Variants in MAP2 observed in about 807,000 individuals in gnomAD.
MAP2 encodes the protein microtubule associated protein 2, also known as microtubule-associated protein 2.
MAP2 carries 14 observed loss-of-function variants against 137.6 expected under a neutral mutation model. The observed-to-expected ratio is 0.10, with a 90% CI of 0.07 to 0.16. The LOEUF (loss-of-function observed/expected upper bound fraction) is 0.16. MAP2 is among the 10% of genes least tolerant of loss of function. The pLI, the probability that MAP2 is intolerant of heterozygous loss-of-function variation, is 1.00. For missense variants in MAP2, 2,088 were observed against 2,191.5 expected, an observed-to-expected ratio of 0.95 and a Z score of 0.94; for synonymous variants, 786 against 782.3, an observed-to-expected ratio of 1.00 and a Z score of -0.08.
At chr2:209,492,919 A>C (rs1407047125) in intron 1 of MAP2, among the ~76,000 whole-genome samples, 1 of 152,234 alleles carries the variant, frequency 6.6e-6, no homozygotes, top group Non-Finnish European at 1.5e-5. Context: ...GACTTTCTTC[A>C]CAGAATTAGG....
At chr2:209,617,802 G>A (rs2089987407) in intron 3 of MAP2, among the ~76,000 whole-genome samples, 1 of 152,114 alleles carries the variant, frequency 6.6e-6, no homozygotes, top group Non-Finnish European at 1.5e-5. Context: ...ATATAATACA[G>A]TCCACAAAGG....
At position 209,732,680 on chromosome 2, in the gene MAP2, A is replaced by G. The variant is rs2075924651; in HGVS notation, c.*2283A>G. The stretch of plus-strand genomic sequence containing the variant: ...AACCTGTGAAATAAGTATTTTTCTC[A>G]ACATTCTTTAAAGTTTTTATATAAG... On this transcript the variant is annotated 3_prime_UTR_variant, in exon 16 of 16. Transcript: ENST00000682079. 6.6e-6 allele frequency: 1 copy of G among 152,642 alleles called. No individual in the cohort carries two copies. The highest frequency in any genetic ancestry group is 1.5e-5 in the Non-Finnish European group (1 of 68,040). 9.5% of individuals were successfully genotyped at this position (152,642 alleles called of 1,614,324 possible). A position where few individuals can be genotyped will look rare whatever the true frequency, so the allele number is the denominator to read the frequency against.
chr2:209,462,275 C>T (rs571542747), intron 1 of MAP2, among the ~76,000 whole-genome samples: 20 of 152,144 alleles, frequency 1.3e-4, no homozygotes, highest in Non-Finnish European at 2.2e-4. Context: ...TAGACCTTAT[C>T]GGGCAAGATC....
At chr2:209,466,751 G>A (rs1294623512) in intron 1 of MAP2, among the ~76,000 whole-genome samples, 2 of 152,128 alleles carry the variant, frequency 1.3e-5, no homozygotes, top group Non-Finnish European at 2.9e-5. Context: ...ATAAATAGAA[G>A]AATTGAAAAG....
intron 3 of MAP2, among the ~76,000 whole-genome samples, chr2:209,614,424 C>T (rs1025191432): frequency 5.3e-5 from 8 of 151,984 alleles, no homozygotes; most frequent in African/African-American, 1.9e-4. Context: ...ATGCCAAGTC[C>T]CCCATCTTTC....
At chr2:209,713,799 G>A (rs946055412) in intron 13 of MAP2, among the ~76,000 whole-genome samples, 3 of 152,090 alleles carry the variant, frequency 2.0e-5, no homozygotes, top group Non-Finnish European at 4.4e-5. Context: ...CTAATAATCA[G>A]GTTTTAAAAT....
chr2:209,509,910 G>A (rs561861536), intron 2 of MAP2, among the ~76,000 whole-genome samples: 19 of 151,708 alleles, frequency 1.3e-4, no homozygotes, highest in African/African-American at 4.6e-4. Context: ...TAAATTGACA[G>A]CATTTTTTTT....
intron 5 of MAP2, among the ~76,000 whole-genome samples, chr2:209,664,566 G>A (rs2045355055): frequency 6.6e-6 from 1 of 151,630 alleles, no homozygotes; most frequent in Non-Finnish European, 1.5e-5. Flanking sequence ...AAAACAAAAA[G>A]AAGAGAGAGT....
At chr2:209,500,681 G>A (rs1384551327) in intron 1 of MAP2, among the ~76,000 whole-genome samples, 3 of 151,524 alleles carry the variant, frequency 2.0e-5, no homozygotes, top group Non-Finnish European at 4.4e-5. Flanking sequence ...AACTCTTTAA[G>A]GTTAAAGAAC....
At chr2:209,455,588 A>C (rs12618766) in intron 1 of MAP2, among the ~76,000 whole-genome samples, 37,762 of 152,070 alleles carry the variant, frequency 0.25, 5,776 homozygotes, top group East Asian at 0.35. Context: ...ACACTTCAAA[A>C]ATTATTAGCA....
At chr2:209,681,096 C>T (rs1234113855) in intron 7 of MAP2, among the ~76,000 whole-genome samples, 1 of 152,070 alleles carries the variant, frequency 6.6e-6, no homozygotes, top group East Asian at 1.9e-4. Flanking sequence ...ACTGTAGAGA[C>T]CCCATTCACT....
chr2:209,698,373 G>A (rs575082766), intron 10 of MAP2, among the ~76,000 whole-genome samples: 1 of 152,122 alleles, frequency 6.6e-6, no homozygotes, highest in South Asian at 2.1e-4. Flanking sequence ...TTATTAAGTG[G>A]CATGCTTGTA....
chr2:209,685,208 G>A (rs183412172), intron 7 of MAP2, among the ~76,000 whole-genome samples: 31 of 152,162 alleles, frequency 2.0e-4, no homozygotes, highest in Admixed American at 1.3e-4. Flanking sequence ...TTCTTACTGT[G>A]AGACTATGGA....
At chr2:209,527,930 C>A (rs1363420092) in intron 2 of MAP2, among the ~76,000 whole-genome samples, 1 of 152,132 alleles carries the variant, frequency 6.6e-6, no homozygotes, top group African/African-American at 2.4e-5. Context: ...TTTTCAAAAT[C>A]CCTGTAATTT....
rs369905703 is a variant in MAP2, at chr2:209,680,833, G to C, written c.454+6G>C. 9.3e-6 allele frequency: 15 copies of C among 1,612,478 alleles called. No individual in the cohort carries two copies. In the African/African-American group the frequency reaches 2.0e-4, roughly 22 times the overall value. ...GACTGTCACAGTGGAGGAAGGTAAG[G>C]CCTATTGGACTTTTCAGGGTTTGTC... On this transcript the variant is annotated splice_donor_region_variant and intron_variant, in intron 7 of 15. Transcript: ENST00000682079.
At chr2:209,493,701 A>T (rs1220236519) in intron 1 of MAP2, among the ~76,000 whole-genome samples, 2 of 152,264 alleles carry the variant, frequency 1.3e-5, no homozygotes, top group African/African-American at 4.8e-5. Context: ...ATCACTGGTC[A>T]TTAGAGAAAA....
At chr2:209,655,165 T>C (rs1357370432) in intron 5 of MAP2, among the ~76,000 whole-genome samples, 1 of 152,228 alleles carries the variant, frequency 6.6e-6, no homozygotes, top group African/African-American at 2.4e-5. Flanking sequence ...TAATAGACGT[T>C]TCTTTTAAAT....
intron 1 of MAP2, among the ~76,000 whole-genome samples, chr2:209,501,037 C>CA (rs34783349): frequency 0.23 from 26,745 of 115,270 alleles, 3,539 homozygotes; most frequent in South Asian, 0.27. Flanking sequence ...GACCCTGTCT[C>CA]AAAAAAAAAA....
chr2:209,649,413 C>A (rs2094630762), intron 4 of MAP2, among the ~76,000 whole-genome samples: 1 of 152,112 alleles, frequency 6.6e-6, no homozygotes, highest in African/African-American at 2.4e-5. Context: ...GGCTATGGTA[C>A]TTTTAACTAT....
Sources: gnomAD v4.1 joint callset for allele counts (sites outside exome capture counted in the v4.1 genomes callset) on GRCh38, gnomAD v4.1.1 for gene constraint, MANE v1.5 for transcripts, NCBI Gene and HGNC (gene_info 2026-07-23, HGNC 2026-07-21) for gene names.